Variants in KHDRBS2 observed in about 807,000 individuals in gnomAD.
KHDRBS2 encodes the protein KH domain-containing, RNA-binding, signal transduction-associated protein 2.
In KHDRBS2, 26 loss-of-function variants were observed where a neutral mutation model predicts 44.3. The observed-to-expected ratio is 0.59, with a 90% confidence interval of 0.43 to 0.81. The LOEUF (loss-of-function observed/expected upper bound fraction) is 0.81. Ranked by LOEUF, KHDRBS2 falls within the 40% of genes least tolerant of loss-of-function variation. KHDRBS2 has a pLI of 0.00. For synonymous variants in KHDRBS2, 194 were observed against 151.1 expected (o/e 1.28, Z -2.08); for missense variants, 476 against 433.1 (o/e 1.10, Z -0.88).
chr6:61,563,365 T>C, the KHDRBS2 span, among the ~76,000 whole-genome samples: 1 of 152,128 alleles, frequency 6.6e-6, no homozygotes, highest in Admixed American at 6.6e-5. Context: ...ACATCTTATC[T>C]ATACTCCTGA....
intron 2 of KHDRBS2, among the ~76,000 whole-genome samples, chr6:62,150,781 G>C (rs1814987337): frequency 6.6e-6 from 1 of 152,080 alleles, no homozygotes; most frequent in Non-Finnish European, 1.5e-5. Context: ...GTCACAGAAG[G>C]CTTTACATTC....
intron 6 of KHDRBS2, among the ~76,000 whole-genome samples, chr6:61,782,724 TATATATATATATATAC>T (rs1285566467): frequency 5.7e-4 from 58 of 101,230 alleles, no homozygotes; most frequent in African/African-American, 2.7e-3. Context: ...TATATATATA[TATATATATATATATAC>T]ACACACACAT....
chr6:61,654,980 C>T, the KHDRBS2 span, among the ~76,000 whole-genome samples: 1 of 151,742 alleles, frequency 6.6e-6, no homozygotes, highest in Non-Finnish European at 1.5e-5. Context: ...TCCTCATTGG[C>T]AGAAGCCAGT....
At chr6:62,119,113 G>T (rs1414062814) in intron 2 of KHDRBS2, among the ~76,000 whole-genome samples, 2 of 152,120 alleles carry the variant, frequency 1.3e-5, no homozygotes, top group African/African-American at 4.8e-5. Context: ...TGGGGTTACT[G>T]GAGTTGGGTG....
chr6:61,543,461 A>T, the KHDRBS2 span, among the ~76,000 whole-genome samples: 1 of 152,038 alleles, frequency 6.6e-6, no homozygotes, highest in East Asian at 1.9e-4. Context: ...GCTGACAAGG[A>T]TGTGGAGAAA....
intron 4 of KHDRBS2, among the ~76,000 whole-genome samples, chr6:61,968,477 A>G (rs1770610270): frequency 6.6e-6 from 1 of 152,060 alleles, no homozygotes; most frequent in South Asian, 2.1e-4. Flanking sequence ...CCCAAATAGA[A>G]CAGCCTTATG....
At chr6:61,563,869 T>C in the KHDRBS2 span, among the ~76,000 whole-genome samples, 2 of 152,144 alleles carry the variant, frequency 1.3e-5, no homozygotes, top group East Asian at 3.9e-4. Context: ...TTGAAGGTCA[T>C]TTGCACTTAA....
intron 6 of KHDRBS2, among the ~76,000 whole-genome samples, chr6:61,893,909 A>C (rs1309609674): frequency 1.3e-5 from 2 of 152,126 alleles, no homozygotes; most frequent in Non-Finnish European, 2.9e-5. Flanking sequence ...AATAAAAAAA[A>C]AAACATTTAC....
At chr6:61,748,432 A>G (rs1777174023) in intron 6 of KHDRBS2, among the ~76,000 whole-genome samples, 1 of 152,200 alleles carries the variant, frequency 6.6e-6, no homozygotes, top group Non-Finnish European at 1.5e-5. Context: ...CAGTCCTGGA[A>G]GCCCACCATG....
intron 1 of KHDRBS2, among the ~76,000 whole-genome samples, chr6:62,248,035 G>T (rs1297674237): frequency 6.6e-6 from 1 of 151,982 alleles, no homozygotes; most frequent in African/African-American, 2.4e-5. Flanking sequence ...AGATAAGTTT[G>T]CTAAACAGGA....
intron 1 of KHDRBS2, among the ~76,000 whole-genome samples, chr6:62,182,735 G>A (rs1822592830): frequency 6.6e-6 from 1 of 151,798 alleles, no homozygotes; most frequent in Admixed American, 6.6e-5. Context: ...GGACTGGCAA[G>A]TCATACTATA....
At chr6:61,739,128 C>A (rs995695788) in intron 6 of KHDRBS2, among the ~76,000 whole-genome samples, 3 of 151,850 alleles carry the variant, frequency 2.0e-5, no homozygotes, top group African/African-American at 7.2e-5. Context: ...ATTCTATAAA[C>A]ATATAACTTC....
the KHDRBS2 span, among the ~76,000 whole-genome samples, chr6:61,602,980 T>A: frequency 1.3e-5 from 2 of 152,156 alleles, no homozygotes; most frequent in South Asian, 4.2e-4. Context: ...TCCTTGTATT[T>A]CCCCACCTTA....
chr6:61,796,136 G>T (rs536243581), intron 6 of KHDRBS2, among the ~76,000 whole-genome samples: 2 of 152,022 alleles, frequency 1.3e-5, no homozygotes, highest in African/African-American at 2.4e-5. Context: ...CTAGATAATA[G>T]AAAATAACTA....
intron 3 of KHDRBS2, among the ~76,000 whole-genome samples, chr6:62,008,946 C>T (rs1410196411): frequency 6.6e-6 from 1 of 151,924 alleles, no homozygotes; most frequent in African/African-American, 2.4e-5. Flanking sequence ...TGAAAACGGG[C>T]TAATAGAGTA....
At chr6:62,027,314 G>C (rs1584242657) in intron 3 of KHDRBS2, among the ~76,000 whole-genome samples, 1 of 152,006 alleles carries the variant, frequency 6.6e-6, no homozygotes, top group Admixed American at 6.6e-5. Context: ...TAAGTAATCA[G>C]GAAAATATAA....
intron 2 of KHDRBS2, among the ~76,000 whole-genome samples, chr6:62,068,152 C>G (rs1794182282): frequency 6.6e-6 from 1 of 151,432 alleles, no homozygotes; most frequent in African/African-American, 2.4e-5. Context: ...AACAGTCCCA[C>G]CTGTAATGCA....
chr6:61,582,694 CTT>C, the KHDRBS2 span, among the ~76,000 whole-genome samples: 22 of 150,272 alleles, frequency 1.5e-4, no homozygotes, highest in East Asian at 5.9e-4. Context: ...TATTATGTAA[CTT>C]TTTTTTTTAC....
At chr6:61,947,744 G>T (rs1253441696) in intron 4 of KHDRBS2, among the ~76,000 whole-genome samples, 1 of 151,862 alleles carries the variant, frequency 6.6e-6, no homozygotes, top group Non-Finnish European at 1.5e-5. Context: ...TGAAACATTT[G>T]CTTCATATTT....
Sources: allele counts gnomAD v4.1 joint callset (sites outside exome capture counted in the v4.1 genomes callset), GRCh38; gene constraint gnomAD v4.1.1; transcripts MANE v1.5; gene names NCBI Gene and HGNC (gene_info 2026-07-23, HGNC 2026-07-21).